Variants in ZNF273 observed in about 807,000 individuals in gnomAD.
ZNF273 encodes the protein zinc finger protein 273.
In ZNF273, 11 loss-of-function variants were observed where a neutral mutation model predicts 14.9. The ratio of observed to expected loss-of-function variants is 0.74; its 90% CI spans 0.46 to 1.22. The LOEUF is 1.22. Ranked by LOEUF, ZNF273 falls within the 50% of genes most tolerant of loss-of-function variation. The pLI is 0.00. For synonymous variants in ZNF273, 199 were observed against 223.9 expected (o/e 0.89, Z 0.99); for missense variants, 577 against 660.6 (o/e 0.87, Z 1.39).
chr7:64,927,019 C>G (rs557605011), intron 3 of ZNF273, among the ~76,000 whole-genome samples: 2 of 152,192 alleles, frequency 1.3e-5, no homozygotes, highest in East Asian at 3.9e-4. Flanking sequence ...CTGGAAAGGC[C>G]CCTAGAAGTC....
At chr7:64,892,186 T>A (rs1792074614), downstream of ZNF273, among the ~76,000 whole-genome samples, 1 of 152,112 alleles carries the variant, frequency 6.6e-6, no homozygotes, top group African/African-American at 2.4e-5. Context: ...CAGAGTATCC[T>A]CTTTCATAGA....
chr7:64,882,846 G>A (rs1025747010), downstream of ZNF273: 5 of 152,416 alleles, frequency 3.3e-5, no homozygotes, highest in East Asian at 9.7e-4. Flanking sequence ...TGTGTTCCCC[G>A]GGGCTGCCCT....
the ZNF273 span, among the ~76,000 whole-genome samples, chr7:64,937,188 T>C: frequency 2.6e-5 from 4 of 152,248 alleles, no homozygotes; most frequent in Non-Finnish European, 2.9e-5. Context: ...GAAAGACTTA[T>C]ACTTTTCTTT....
chr7:64,877,847 T>G (rs1791155658), exon 1 of ZNF273: 1 of 152,250 alleles, frequency 6.6e-6, no homozygotes, highest in Non-Finnish European at 1.5e-5. Context: ...GTGAGTCTCC[T>G]TGAAACTTGC....
intron 1 of ZNF273, among the ~76,000 whole-genome samples, chr7:64,905,081 G>C (rs1052687441): frequency 6.7e-6 from 1 of 149,582 alleles, no homozygotes; most frequent in South Asian, 2.1e-4. Flanking sequence ...GGTGGATGTC[G>C]TGGGGCTGAG....
In ZNF273 at chr7:64,928,161, C is replaced by A. The variant is rs1226685905; in HGVS notation, c.833C>A (p.Thr278Asn). Residue 278 changes from threonine (T) to asparagine (N), a missense_variant, in exon 4 of 4, where the codon ACT (threonine) becomes AAT (asparagine). Thr to Asn is a moderately conservative substitution (Grantham distance 65, BLOSUM62 0). Around this residue, in one of 3 missense-constraint regions of ZNF273, gnomAD observed 411 missense variants for 440.4 expected, o/e 0.93. Coordinates refer to ENST00000476120, the MANE Select transcript of ZNF273 (RefSeq NM_021148.3). ...GCCTTTAACCAGTCCTTAACTCTTA[C>A]TAAACATAAAAAAATTCATACTGAA... ...GKAFNQSLTLTKHKKIHTEEK... is the reference protein window; with the variant it reads ...GKAFNQSLTLNKHKKIHTEEK... 7 of 1,612,984 alleles carry A rather than the reference C, an allele frequency of 4.3e-6. No homozygotes were observed. The highest frequency in any genetic ancestry group is 1.7e-5 in the Admixed American group (1 of 59,790).
At chr7:64,890,221 T>TGTGTGTGTGTGTGTGTGTGAGA, downstream of ZNF273, 1 of 64,100 alleles carries the variant, frequency 1.6e-5, no homozygotes, top group African/African-American at 4.8e-5. Flanking sequence ...TGTGTGTGTG[T>TGTGTGTGTGTGTGTGTGTGAGA]GAGAGAGAGA....
rs770981927 is a variant in ZNF273, at chr7:64,917,010, G to A, written c.103-571G>A. 9.5e-6 allele frequency: 12 copies of A among 1,268,450 alleles called. No homozygotes were observed. The African/African-American group carries it at 1.9e-4, about 20-fold the overall frequency. 78.6% of individuals were successfully genotyped at this position (1,268,450 alleles called of 1,614,324 possible). ...ATATATTTGTCTTTGGAAAATAAAG[G>A]CTCTCATCTTTGTTTACAGGCCAGA... On this transcript the variant is annotated intron_variant, in intron 1 of 3. Coordinates refer to ENST00000476120, the MANE Select transcript of ZNF273 (RefSeq NM_021148.3).
At chr7:64,908,269 T>C (rs1032976532) in intron 1 of ZNF273, among the ~76,000 whole-genome samples, 5 of 152,270 alleles carry the variant, frequency 3.3e-5, no homozygotes, top group African/African-American at 1.2e-4. Flanking sequence ...TTATATTTGG[T>C]TCGTGGTACA....
chr7:64,934,782 A>G (rs1341684887), downstream of ZNF273, among the ~76,000 whole-genome samples: 1 of 152,024 alleles, frequency 6.6e-6, no homozygotes, highest in Non-Finnish European at 1.5e-5. Context: ...CTTTGGCTAT[A>G]CAGGATCTTT....
At chr7:64,890,794 T>G (rs563579351), downstream of ZNF273, among the ~76,000 whole-genome samples, 1,259 of 139,414 alleles carry the variant, frequency 9.0e-3, 13 homozygotes, top group African/African-American at 0.032. Flanking sequence ...ACAGGCTCAG[T>G]GATGGGGCAA....
At chr7:64,898,493 G>A (rs1469395318), upstream of ZNF273, among the ~76,000 whole-genome samples, 1 of 152,192 alleles carries the variant, frequency 6.6e-6, no homozygotes, top group East Asian at 1.9e-4. Context: ...TCTCATTCAA[G>A]TGTGTTTTAT....
chr7:64,914,062 G>A (rs1350067751), intron 1 of ZNF273, among the ~76,000 whole-genome samples: 1 of 151,772 alleles, frequency 6.6e-6, no homozygotes, highest in African/African-American at 2.4e-5. Context: ...AGGCTGGAGT[G>A]CAATGGCTTG....
intron 1 of ZNF273, among the ~76,000 whole-genome samples, chr7:64,909,323 C>T (rs568719807): frequency 5.2e-4 from 79 of 151,992 alleles, no homozygotes; most frequent in African/African-American, 1.7e-3. Context: ...CACCCAGGCT[C>T]GAGCGACTCT....
intron 1 of ZNF273, among the ~76,000 whole-genome samples, chr7:64,904,095 T>G (rs954856571): frequency 2.6e-5 from 4 of 152,232 alleles, no homozygotes; most frequent in Admixed American, 2.0e-4. Flanking sequence ...GATTTTTTTT[T>G]CTTTCTTTCT....
chr7:64,917,713 G>T lies in ZNF273; in HGVS notation c.229+6G>T. On this transcript the variant is annotated splice_donor_region_variant and intron_variant, in intron 2 of 3. Coordinates refer to ENST00000476120, the MANE Select transcript of ZNF273 (RefSeq NM_021148.3). ...CAGAAACCTGGTCTTCCTGGGTGAG[G>T]ATAATTTTAATACATAATTTAAAGG... 6.3e-7 allele frequency: 1 copy of T among 1,579,060 alleles called. No individual in the cohort carries two copies. The highest frequency in any genetic ancestry group is 1.1e-5 in the South Asian group (1 of 88,626).
rs375695781 is a variant in ZNF273 at position 64,914,182 on chromosome 7, ATT to A, written c.103-3374_103-3373del. ...ACCACTACGTCCTGGTAATTTTTGT[ATT>A]TTTTTTTTTTTTTTTTTTTTTTTTA... On this transcript the variant is annotated intron_variant, in intron 1 of 3. Transcript: ENST00000476120. Among the ~76,000 whole-genome samples, 455 of 70,862 alleles carry A rather than the reference ATT, an allele frequency of 6.4e-3. 9 individuals carry two copies. The highest frequency in any genetic ancestry group is 0.024 in the African/African-American group (366 of 15,152). The allele number at this position is 70,862 out of a possible 152,430, so 46.5% of individuals were successfully genotyped here.
downstream of ZNF273, among the ~76,000 whole-genome samples, chr7:64,883,881 T>C (rs1270409056): frequency 6.6e-6 from 1 of 152,212 alleles, no homozygotes; most frequent in Non-Finnish European, 1.5e-5. Context: ...ATGGGGACCA[T>C]TGTATGAGTG....
chr7:64,903,999 T>A (rs549234321), intron 1 of ZNF273, among the ~76,000 whole-genome samples: 1 of 152,350 alleles, frequency 6.6e-6, no homozygotes, highest in African/African-American at 2.4e-5. Context: ...CCTGGTTATG[T>A]CATCAGAGGT....
Sources: allele counts gnomAD v4.1 joint callset (sites outside exome capture counted in the v4.1 genomes callset), GRCh38; gene constraint gnomAD v4.1.1; regional missense constraint gnomAD v4.1.1; transcripts MANE v1.5; gene names NCBI Gene and HGNC (gene_info 2026-07-23, HGNC 2026-07-21).